BACE1: variants seen among roughly 807,000 people sequenced by gnomAD.
The protein encoded by BACE1 is beta-secretase 1.
BACE1 carries 21 observed loss-of-function variants against 54.0 expected under a neutral mutation model. The observed-to-expected ratio is 0.39, with a 90% confidence interval of 0.28 to 0.56. BACE1 has a LOEUF of 0.56. BACE1 is among the 20% of genes least tolerant of loss of function. The pLI is 0.63. For missense variants in BACE1, 511 were observed against 661.2 expected, an observed-to-expected ratio of 0.77 and a Z score of 2.49; for synonymous variants, 232 against 260.9, an observed-to-expected ratio of 0.89 and a Z score of 1.07.
rs528423877 is a variant in BACE1 at position 117,299,228 on chromosome 11, A to G, written c.262-2267T>C. On this transcript the variant is annotated intron_variant, in intron 1 of 8. Transcript: ENST00000313005. ...CAAAAAAAGGAAAGGCCCCACCCTC[A>G]GAAAAATGGTAATTTGTAAGTTGCA... is the stretch of plus-strand genomic sequence containing the variant. Among the ~76,000 whole-genome samples the G allele has an allele frequency of 1.2e-4, 19 of 152,288 alleles. No homozygotes were observed. The East Asian group carries it at 2.1e-3, about 17-fold the overall frequency.
Position 117,315,671 on chromosome 11 carries a change from C to CGCA in BACE1, c.122_124dup (p.Leu41dup). ...CTCTTCGTCGGTCTCCCGGGGCAGCCGCAGCCCCAGGGGGGCGCCCCCCAG... is the reference window on the plus strand; with the variant it reads ...CTCTTCGTCGGTCTCCCGGGGCAGCCGCAGCAGCCCCAGGGGGGCGCCCCCCAG... On this transcript the variant is annotated inframe_insertion, in exon 1 of 9. Coordinates refer to ENST00000313005, the MANE Select transcript of BACE1 (RefSeq NM_012104.6). The surrounding 1 kb of genome is among the most constrained non-coding windows in gnomAD (Gnocchi z 5.5). The CGCA allele has an allele frequency of 6.5e-7, 1 of 1,544,296 alleles. No homozygotes were observed. Among genetic ancestry groups the CGCA allele is most frequent in the Non-Finnish European group, 8.7e-7 (1 of 1,147,740 alleles).
At chr11:117,308,051 CG>C (rs1323386580) in intron 1 of BACE1, among the ~76,000 whole-genome samples, 2 of 28,802 alleles carry the variant, frequency 6.9e-5, no homozygotes, top group Non-Finnish European at 1.4e-4. Flanking sequence ...AGATTTGGGG[CG>C]GGGGGATGGG....
At chr11:117,297,553 G>C (rs985217945) in intron 1 of BACE1, among the ~76,000 whole-genome samples, 4 of 152,200 alleles carry the variant, frequency 2.6e-5, no homozygotes, top group African/African-American at 9.7e-5. Flanking sequence ...CTGGGAGGTG[G>C]AGGTTGCAGT....
Position 117,291,066 on chromosome 11 carries a change from G to A in BACE1, c.943-17C>T, listed in dbSNP as rs768488541. 6.2e-7 allele frequency: 1 copy of A among 1,612,820 alleles called. No individual in the cohort carries two copies. The highest frequency in any genetic ancestry group is 1.3e-5 in the African/African-American group (1 of 74,896). On this transcript the variant is annotated splice_polypyrimidine_tract_variant and intron_variant, in intron 6 of 8. Transcript: ENST00000313005. ...CTTCTCCGTCTGTGTTGGCAAGAAGGGGATAACAATGAGGAAAAGCCTCTT... is the reference window on the plus strand; with the variant it reads ...CTTCTCCGTCTGTGTTGGCAAGAAGAGGATAACAATGAGGAAAAGCCTCTT...
chr11:117,289,465 G>T lies in BACE1; in HGVS notation c.*101C>A, dbSNP rs2034350567. ...TTTGGTGGGTGGGGAGGGTCCTGAG[G>T]TGCTCTGGCCACAGGTGCCATCTGT... On this transcript the variant is annotated 3_prime_UTR_variant, in exon 9 of 9. Coordinates refer to ENST00000313005, the MANE Select transcript of BACE1 (RefSeq NM_012104.6). 1.3e-6 allele frequency: 2 copies of T among 1,506,628 alleles called. No homozygotes were observed. The highest frequency in any genetic ancestry group is 8.9e-7 in the Non-Finnish European group (1 of 1,125,572). 93.3% of individuals were successfully genotyped at this position (1,506,628 alleles called of 1,614,324 possible).
Position 117,293,615 on chromosome 11 carries a change from G to T in BACE1, c.705+256C>A. 1 of 347,940 alleles carries T rather than the reference G, an allele frequency of 2.9e-6. No individual in the cohort carries two copies. Among genetic ancestry groups the T allele is most frequent in the Non-Finnish European group, 5.1e-6 (1 of 196,640 alleles). 21.6% of individuals were successfully genotyped at this position (347,940 alleles called of 1,614,324 possible). A position where few individuals can be genotyped will look rare whatever the true frequency, so the allele number is the denominator to read the frequency against. On this transcript the variant is annotated intron_variant, in intron 4 of 8. Coordinates refer to ENST00000313005, the MANE Select transcript of BACE1 (RefSeq NM_012104.6). This position sits in a 1 kb window ranked among gnomAD's most constrained non-coding sequence, Gnocchi z 4.1. ...CAAACTGAATAATTTTAATTCAACA[G>T]GTCTTATTTTCATTTCCTTTGAAAT...
At chr11:117,291,525 C>T (rs2034435509) in intron 6 of BACE1, among the ~76,000 whole-genome samples, 187 bp downstream of exon 6, 2 of 152,210 alleles carry the variant, frequency 1.3e-5, no homozygotes, top group African/African-American at 2.4e-5. Context: ...ATCTGCCCAC[C>T]TTGGCCTCCC....
intron 1 of BACE1, among the ~76,000 whole-genome samples, chr11:117,297,903 T>G: frequency 6.6e-6 from 1 of 152,242 alleles, no homozygotes; most frequent in South Asian, 2.1e-4. Context: ...GCAGGGCCAC[T>G]TCTGTGTGCT....
At chr11:117,305,051 C>A (rs1257372492) in intron 1 of BACE1, among the ~76,000 whole-genome samples, 3 of 150,608 alleles carry the variant, frequency 2.0e-5, no homozygotes, top group African/African-American at 7.3e-5. Context: ...CTCAGCCTCC[C>A]GAGTAGCTGG....
chr11:117,315,720 T>C lies in BACE1; in HGVS notation c.76A>G (p.Ile26Val). ...VLPAHGTQHG[I>V]RLPLRSGLGG... ...AGGCCGCTGCGCAGGGGCAGCCGGA[T>C]GCCGTGCTGGGTGCCGTGGGCAGGC... is the stretch of plus-strand genomic sequence containing the variant. The change falls in exon 1 of 9, where the codon ATC becomes GTC. Residue 26 changes from isoleucine (I) to valine (V), a missense_variant. Physicochemically the swap from Ile to Val is conservative, Grantham distance 29. Coordinates refer to ENST00000313005, the MANE Select transcript of BACE1 (RefSeq NM_012104.6). This position sits in a 1 kb window ranked among gnomAD's most constrained non-coding sequence, Gnocchi z 5.5. 1 of 1,489,934 alleles carries C rather than the reference T, an allele frequency of 6.7e-7. No homozygotes were observed. Among genetic ancestry groups the C allele is most frequent in the Non-Finnish European group, 8.9e-7 (1 of 1,122,674 alleles). The allele number at this position is 1,489,934 out of a possible 1,614,324, so 92.3% of individuals were successfully genotyped here.
At chr11:117,302,355 A>G (rs1360768268) in intron 1 of BACE1, among the ~76,000 whole-genome samples, 4 of 152,054 alleles carry the variant, frequency 2.6e-5, no homozygotes, top group Non-Finnish European at 5.9e-5. Flanking sequence ...AAACAAAACA[A>G]AACAAAACCA....
Position 117,313,090 on chromosome 11 carries a change from G to A in BACE1, c.261+2445C>T, listed in dbSNP as rs1281723867. 7.2e-5 allele frequency among the ~76,000 whole-genome samples: 11 copies of A among 152,302 alleles called. No individual in the cohort carries two copies. In the East Asian group the frequency reaches 1.9e-3, roughly 27 times the overall value. On this transcript the variant is annotated intron_variant, in intron 1 of 8. Transcript: ENST00000313005. ...TTGTTCAGAATACAATGCCATCCAAGTTCTCATTTGGCACTTACAACAGCC... is the reference window on the plus strand; with the variant it reads ...TTGTTCAGAATACAATGCCATCCAAATTCTCATTTGGCACTTACAACAGCC...
intron 2 of BACE1, 146 bp downstream of exon 2, chr11:117,296,727 G>T: frequency 1.6e-6 from 1 of 623,212 alleles, no homozygotes; most frequent in African/African-American, 1.8e-5. Context: ...TGTCTCTCCT[G>T]GTCACTGTCT....
intron 1 of BACE1, among the ~76,000 whole-genome samples, chr11:117,313,047 C>T (rs1268379722): frequency 6.6e-6 from 1 of 152,160 alleles, no homozygotes; most frequent in Non-Finnish European, 1.5e-5. Flanking sequence ...GAAAGTGCTC[C>T]CCAAATTTTA....
At chr11:117,311,861 G>A (rs765882736) in intron 1 of BACE1, among the ~76,000 whole-genome samples, 2 of 152,012 alleles carry the variant, frequency 1.3e-5, no homozygotes, top group Non-Finnish European at 2.9e-5. Flanking sequence ...GGTTGGTCTC[G>A]AACTCCTGAC....
chr11:117,301,319 A>C lies in BACE1; in HGVS notation c.262-4358T>G, dbSNP rs751312988. 3.0e-4 allele frequency among the ~76,000 whole-genome samples: 46 copies of C among 152,220 alleles called. 1 individual carries two copies. Among genetic ancestry groups the C allele is most frequent in the Non-Finnish European group, 5.6e-4 (38 of 68,040 alleles). On this transcript the variant is annotated intron_variant, in intron 1 of 8. Coordinates refer to ENST00000313005, the MANE Select transcript of BACE1 (RefSeq NM_012104.6). The stretch of plus-strand genomic sequence containing the variant: ...CAAAGATACCTCAAGGGCTGGGTGC[A>C]GGGGCTGACACCTGTAATCCCAGCA...
chr11:117,290,481 C>G lies in BACE1; in HGVS notation c.1264+7G>C, dbSNP rs1458315516. 3.1e-6 allele frequency: 5 copies of G among 1,613,622 alleles called. No homozygotes were observed. The highest frequency in any genetic ancestry group is 4.2e-6 in the Non-Finnish European group (5 of 1,179,766). On this transcript the variant is annotated splice_region_variant and intron_variant, in intron 8 of 8. Coordinates refer to ENST00000313005, the MANE Select transcript of BACE1 (RefSeq NM_012104.6). ...TGACCCCAAACCCTCAGCCCTGGCA[C>G]TCTCACCATGGCAAGCGCTGACAGC... is the stretch of plus-strand genomic sequence containing the variant.
intron 3 of BACE1, 101 bp from the exon 4 acceptor site, chr11:117,294,109 G>A: frequency 1.4e-6 from 2 of 1,388,296 alleles, no homozygotes; most frequent in Non-Finnish European, 2.0e-6. Flanking sequence ...CTTGGGGGAT[G>A]CTCCTTGGGA....
chr11:117,302,410 G>A (rs1311703431), intron 1 of BACE1, among the ~76,000 whole-genome samples: 1 of 152,144 alleles, frequency 6.6e-6, no homozygotes, highest in Non-Finnish European at 1.5e-5. Flanking sequence ...ACTGACCTCA[G>A]ATATCTCAGT....
Sources: allele counts gnomAD v4.1 joint callset (sites outside exome capture counted in the v4.1 genomes callset), GRCh38; gene constraint gnomAD v4.1.1; non-coding constraint Gnocchi (gnomAD v3.1); transcripts MANE v1.5; gene names NCBI Gene and HGNC (gene_info 2026-07-23, HGNC 2026-07-21).